L3MBTL3: variants seen among roughly 807,000 people sequenced by gnomAD.
L3MBTL3 encodes the protein lethal(3)malignant brain tumor-like protein 3.
A neutral mutation model predicts 102.3 loss-of-function variants in L3MBTL3; 27 were observed. That is an observed-to-expected ratio of 0.26 (90% CI 0.19 to 0.36). The LOEUF (loss-of-function observed/expected upper bound fraction) is 0.36, where lower values mean the gene tolerates loss of function less well. Ranked by LOEUF, L3MBTL3 falls within the 10% of genes least tolerant of loss-of-function variation. The pLI is 1.00. For missense variants in L3MBTL3, 798 were observed against 955.3 expected, an observed-to-expected ratio of 0.84 and a Z score of 2.17; for synonymous variants, 340 against 320.9, an observed-to-expected ratio of 1.06 and a Z score of -0.64.
At chr6:130,110,862 G>C (rs1785306394) in intron 19 of L3MBTL3, among the ~76,000 whole-genome samples, 2 of 152,078 alleles carry the variant, frequency 1.3e-5, no homozygotes, top group Non-Finnish European at 2.9e-5. Context: ...TTTGAGATAT[G>C]TTCCATCAAT....
At position 130,055,643 on chromosome 6, in the gene L3MBTL3, CCTCT is replaced by C. The variant is rs1260551689; in HGVS notation, c.667+394_667+397del. 6.2e-3 allele frequency among the ~76,000 whole-genome samples: 488 copies of C among 78,222 alleles called. 1 individual carries two copies. Among genetic ancestry groups the C allele is most frequent in the East Asian group, 0.019 (48 of 2,468 alleles). The allele number at this position is 78,222 out of a possible 152,430, so 51.3% of individuals were successfully genotyped here. On this transcript the variant is annotated intron_variant, in intron 8 of 22. Coordinates refer to ENST00000361794, the MANE Select transcript of L3MBTL3 (RefSeq NM_032438.4). ...CCCTGTCTCCCTCCCTCCCTCCCTC[CCTCT>C]CTCTCCCTCCCTCCCTCTCTCTCCC...
intron 8 of L3MBTL3, among the ~76,000 whole-genome samples, chr6:130,057,134 G>T (rs1344461926): frequency 6.6e-6 from 1 of 152,136 alleles, no homozygotes; most frequent in African/African-American, 2.4e-5. Context: ...AGCTTCTGTG[G>T]TAGTGTTTTG....
intron 16 of L3MBTL3, among the ~76,000 whole-genome samples, chr6:130,089,656 T>C (rs963189233): frequency 6.6e-6 from 1 of 152,198 alleles, no homozygotes; most frequent in East Asian, 1.9e-4. Context: ...TCTTCCACAA[T>C]GGTTGAACTA....
At chr6:130,104,898 A>G (rs1003725912) in intron 19 of L3MBTL3, among the ~76,000 whole-genome samples, 15 of 152,192 alleles carry the variant, frequency 9.9e-5, no homozygotes, top group African/African-American at 3.6e-4. Flanking sequence ...GAATTGATCA[A>G]TACTTACATA....
chr6:130,019,202 G>T (rs1169377716), intron 1 of L3MBTL3, among the ~76,000 whole-genome samples: 3 of 150,254 alleles, frequency 2.0e-5, no homozygotes, highest in Non-Finnish European at 4.4e-5. Flanking sequence ...ACCGGGCGCG[G>T]GGTGGGGGAG....
At chr6:130,020,486 C>G (rs1051399034) in intron 1 of L3MBTL3, 6 of 152,164 alleles carry the variant, frequency 3.9e-5, no homozygotes, top group East Asian at 3.9e-4. Flanking sequence ...CAGTCCCGGT[C>G]AAAGCACAGC....
intron 17 of L3MBTL3, among the ~76,000 whole-genome samples, chr6:130,093,413 C>G: frequency 6.6e-6 from 1 of 152,206 alleles, no homozygotes. Flanking sequence ...GTAGGAAATA[C>G]AATAAATTAT....
chr6:130,059,188 C>A (rs199937866), intron 9 of L3MBTL3, among the ~76,000 whole-genome samples: 4 of 152,172 alleles, frequency 2.6e-5, no homozygotes, highest in African/African-American at 4.8e-5. Context: ...GCCCTGCCCC[C>A]CCAGGCACCA....
intron 16 of L3MBTL3, among the ~76,000 whole-genome samples, chr6:130,091,744 A>G (rs546169865): frequency 1.3e-5 from 2 of 152,172 alleles, no homozygotes; most frequent in East Asian, 3.9e-4. Context: ...GTTAAATGAA[A>G]TAAGCCAGGC....
Position 130,055,188 on chromosome 6 carries a change from A to G in L3MBTL3, c.600A>G (p.Val200=), listed in dbSNP as rs371838514. The G allele has an allele frequency of 1.9e-6, 3 of 1,613,700 alleles. No homozygotes were observed. The highest frequency in any genetic ancestry group is 2.5e-6 in the Non-Finnish European group (3 of 1,179,742). Residue 200 remains valine (V), a synonymous_variant, in exon 8 of 23, where the codon GTA becomes GTG. Transcript: ENST00000361794. ...RDDEMENKQD[V]RILRGSQRAR... is the part of the protein sequence containing the mutation. ...TTTTGTAGGAGAACAAACAAGATGT[A>G]AGAATCCTGAGGGGTTCGCAGAGAG...
intron 2 of L3MBTL3, among the ~76,000 whole-genome samples, chr6:130,037,559 ATTCT>A (rs1448583619): frequency 2.6e-5 from 4 of 152,150 alleles, no homozygotes; most frequent in South Asian, 2.1e-4. Context: ...GATTAGATTA[ATTCT>A]TTCTCAGCTC....
intron 17 of L3MBTL3, among the ~76,000 whole-genome samples, chr6:130,093,107 CA>C (rs1784159723): frequency 2.0e-5 from 3 of 152,154 alleles, no homozygotes; most frequent in Admixed American, 2.0e-4. Context: ...TCACCTTTTA[CA>C]ATTAGTGTTG....
At chr6:130,078,827 G>GT (rs1783125108) in intron 14 of L3MBTL3, among the ~76,000 whole-genome samples, 193 bp downstream of exon 14, 1 of 152,176 alleles carries the variant, frequency 6.6e-6, no homozygotes, top group Non-Finnish European at 1.5e-5. Flanking sequence ...GTGTGTTGCA[G>GT]TAACAGTTTA....
At chr6:130,028,779 CTGTT>C (rs1448855568) in intron 2 of L3MBTL3, among the ~76,000 whole-genome samples, 2 of 152,224 alleles carry the variant, frequency 1.3e-5, no homozygotes, top group African/African-American at 2.4e-5. Flanking sequence ...TTGAATAAGT[CTGTT>C]TAAGAGGTTT....
chr6:130,033,534 G>A (rs1486699178), intron 2 of L3MBTL3, among the ~76,000 whole-genome samples: 2 of 152,098 alleles, frequency 1.3e-5, no homozygotes, highest in Admixed American at 1.3e-4. Flanking sequence ...TGATTTTAGG[G>A]TTAGTATTCC....
At chr6:130,049,423 T>C in intron 4 of L3MBTL3, 30 bp downstream of exon 4, 1 of 1,345,586 alleles carries the variant, frequency 7.4e-7, no homozygotes, top group African/African-American at 1.5e-5. Flanking sequence ...ATTTTATTTC[T>C]TGCTTTTGAA....
chr6:130,131,441 G>A (rs1787023808), intron 20 of L3MBTL3, among the ~76,000 whole-genome samples: 1 of 152,182 alleles, frequency 6.6e-6, no homozygotes, highest in Non-Finnish European at 1.5e-5. Context: ...AAAGCTTAAT[G>A]TACACACATG....
Position 130,082,277 on chromosome 6 carries a change from G to C in L3MBTL3, c.1322-1343G>C, listed in dbSNP as rs77809288. Among the ~76,000 whole-genome samples the C allele has an allele frequency of 5.6e-3, 858 of 152,228 alleles. 10 individuals carry two copies. Among genetic ancestry groups the C allele is most frequent in the African/African-American group, 0.02 (828 of 41,526 alleles). On this transcript the variant is annotated intron_variant, in intron 14 of 22. Transcript: ENST00000361794. ...GTCCCAATGTCATTTGCTAGTTTTA[G>C]CATCTGTTGACATTCCTGGCATGAA...
chr6:130,077,586 C>T (rs9492443), intron 13 of L3MBTL3, among the ~76,000 whole-genome samples: 40,644 of 152,118 alleles, frequency 0.27, 6,067 homozygotes, highest in African/African-American at 0.37. Context: ...TCCCAGGCTG[C>T]GCCTTTAGAA....
Sources: gnomAD v4.1 joint callset for allele counts (sites outside exome capture counted in the v4.1 genomes callset) on GRCh38, gnomAD v4.1.1 for gene constraint, MANE v1.5 for transcripts, NCBI Gene and HGNC (gene_info 2026-07-23, HGNC 2026-07-21) for gene names.